RNLS: variants seen among roughly 807,000 people sequenced by gnomAD.
The protein encoded by RNLS is renalase.
RNLS carries 39 observed loss-of-function variants against 39.8 expected under a neutral mutation model. That is an observed-to-expected ratio of 0.98 (90% CI 0.76 to 1.28). RNLS has a LOEUF of 1.28. RNLS is among the 50% of genes most tolerant of loss of function. The probability of loss-of-function intolerance (pLI) is 0.00; values close to 1 mark genes in which losing one functional copy is unlikely to be tolerated. For synonymous variants in RNLS, 147 were observed against 150.7 expected, an observed-to-expected ratio of 0.98 and a Z score of 0.18; for missense variants, 410 against 413.3, an observed-to-expected ratio of 0.99 and a Z score of 0.07.
At chr10:88,305,333 G>A (rs1337923162) in intron 6 of RNLS, among the ~76,000 whole-genome samples, 1 of 152,098 alleles carries the variant, frequency 6.6e-6, no homozygotes, top group African/African-American at 2.4e-5. Context: ...ACAGGATCAA[G>A]TATACACATA....
chr10:88,513,410 TAA>T (rs976430334), intron 4 of RNLS, among the ~76,000 whole-genome samples: 11 of 152,256 alleles, frequency 7.2e-5, no homozygotes, highest in East Asian at 5.8e-4. Flanking sequence ...CATTTTATTA[TAA>T]AAGTTTTCAA....
chr10:88,439,071 G>A (rs1841569359), intron 4 of RNLS, among the ~76,000 whole-genome samples: 1 of 152,164 alleles, frequency 6.6e-6, no homozygotes. Context: ...GTGCAGCCCA[G>A]TAGTTTTGCT....
chr10:88,426,780 T>C (rs1226543183), intron 4 of RNLS, among the ~76,000 whole-genome samples: 2 of 152,018 alleles, frequency 1.3e-5, no homozygotes, highest in Non-Finnish European at 2.9e-5. Flanking sequence ...AGTTCAGCCC[T>C]GTTCTTAACC....
chr10:88,322,622 C>A (rs1261504847), intron 5 of RNLS, among the ~76,000 whole-genome samples: 3 of 152,184 alleles, frequency 2.0e-5, no homozygotes, highest in Admixed American at 6.5e-5. Flanking sequence ...CCCAGCCATG[C>A]AGAACTGTTA....
chr10:88,369,434 T>C (rs1742559514), intron 4 of RNLS, among the ~76,000 whole-genome samples: 1 of 152,162 alleles, frequency 6.6e-6, no homozygotes, highest in African/African-American at 2.4e-5. Context: ...GGGATATTGA[T>C]TCCTCCTGTT....
chr10:88,309,799 C>T (rs554694493), intron 6 of RNLS, among the ~76,000 whole-genome samples: 26 of 152,178 alleles, frequency 1.7e-4, no homozygotes, highest in Admixed American at 7.8e-4. Context: ...AGGGAGTTTT[C>T]GTTAAGAGGG....
chr10:88,484,273 A>G (rs1844367442), intron 4 of RNLS, among the ~76,000 whole-genome samples: 1 of 152,070 alleles, frequency 6.6e-6, no homozygotes. Context: ...TTTTATAATG[A>G]CAAATTCTTC....
At chr10:88,400,800 T>C (rs940648580) in intron 4 of RNLS, among the ~76,000 whole-genome samples, 1 of 135,602 alleles carries the variant, frequency 7.4e-6, no homozygotes, top group African/African-American at 3.1e-5. Flanking sequence ...TTGCTGCTTA[T>C]GGGAGGGTCC....
chr10:88,398,991 T>C (rs972151144), intron 4 of RNLS, among the ~76,000 whole-genome samples: 2 of 152,056 alleles, frequency 1.3e-5, no homozygotes, highest in East Asian at 3.9e-4. Context: ...AATAGATGTT[T>C]TTTCCAAAGA....
At chr10:88,463,607 C>A (rs1843049707) in intron 4 of RNLS, among the ~76,000 whole-genome samples, 1 of 151,942 alleles carries the variant, frequency 6.6e-6, no homozygotes. Flanking sequence ...TTACACAGTA[C>A]TGGAATATCA....
At chr10:88,347,546 C>A (rs1487023871) in intron 5 of RNLS, among the ~76,000 whole-genome samples, 1 of 152,072 alleles carries the variant, frequency 6.6e-6, no homozygotes. Flanking sequence ...CATAACGTTC[C>A]TATCTAAGTT....
At chr10:88,432,458 A>G (rs1201213140) in intron 4 of RNLS, among the ~76,000 whole-genome samples, 1 of 151,774 alleles carries the variant, frequency 6.6e-6, no homozygotes, top group Non-Finnish European at 1.5e-5. Flanking sequence ...ACTTACATTT[A>G]TTGTCATTGT....
chr10:88,229,551 T>C, the RNLS span, among the ~76,000 whole-genome samples: 1 of 152,234 alleles, frequency 6.6e-6, no homozygotes, highest in Non-Finnish European at 1.5e-5. Context: ...CTATTTAAAG[T>C]CTATAATTCA....
chr10:88,328,665 G>A (rs1846835417), intron 5 of RNLS, among the ~76,000 whole-genome samples: 1 of 152,162 alleles, frequency 6.6e-6, no homozygotes, highest in African/African-American at 2.4e-5. Context: ...AAAATTGAAA[G>A]TGAACAAATA....
intron 4 of RNLS, among the ~76,000 whole-genome samples, chr10:88,429,733 A>G (rs1459451860): frequency 3.3e-5 from 5 of 151,810 alleles, no homozygotes; most frequent in Non-Finnish European, 7.4e-5. Flanking sequence ...TTCATTTTTT[A>G]TTCTATAATT....
chr10:88,419,679 T>C (rs1854265672), intron 4 of RNLS, among the ~76,000 whole-genome samples: 1 of 152,182 alleles, frequency 6.6e-6, no homozygotes, highest in Non-Finnish European at 1.5e-5. Flanking sequence ...TTCTTCCTCA[T>C]GATTCCTTTC....
chr10:88,492,172 C>A (rs962806575), intron 4 of RNLS, among the ~76,000 whole-genome samples: 6 of 152,006 alleles, frequency 3.9e-5, no homozygotes, highest in Non-Finnish European at 7.4e-5. Context: ...ATTTTCCCAG[C>A]AACCTGACCC....
chr10:88,390,835 T>G (rs1852153143), intron 4 of RNLS, among the ~76,000 whole-genome samples: 1 of 152,236 alleles, frequency 6.6e-6, no homozygotes, highest in Non-Finnish European at 1.5e-5. Context: ...TAGATTTTAC[T>G]GTCCCACCAA....
At chr10:88,219,012 C>T in the RNLS span, among the ~76,000 whole-genome samples, 1 of 152,192 alleles carries the variant, frequency 6.6e-6, no homozygotes, top group Non-Finnish European at 1.5e-5. Context: ...TTTATATCAT[C>T]CAGTATTTGC....
Sources: allele counts gnomAD v4.1 joint callset (sites outside exome capture counted in the v4.1 genomes callset), GRCh38; gene constraint gnomAD v4.1.1; transcripts MANE v1.5; gene names NCBI Gene and HGNC (gene_info 2026-07-23, HGNC 2026-07-21).